PPFIBP2: variants seen among roughly 807,000 people sequenced by gnomAD.
PPFIBP2 encodes PPFIB scaffold protein 2.
PPFIBP2 carries 118 observed loss-of-function variants against 118.3 expected under a neutral mutation model. The ratio of observed to expected loss-of-function variants is 1.00; its 90% CI spans 0.86 to 1.16. The LOEUF (loss-of-function observed/expected upper bound fraction) is 1.16. PPFIBP2 is among the 50% of genes most tolerant of loss of function. The probability of loss-of-function intolerance (pLI) is 0.00; values close to 1 mark genes in which losing one functional copy is unlikely to be tolerated. For missense variants in PPFIBP2, 1,195 were observed against 1,073.1 expected (o/e 1.11, Z -1.59); for synonymous variants, 414 against 397.4 (o/e 1.04, Z -0.50).
At chr11:7,643,478 G>A (rs7939726) in intron 17 of PPFIBP2, among the ~76,000 whole-genome samples, 22,668 of 152,164 alleles carry the variant, frequency 0.15, 2,699 homozygotes, top group African/African-American at 0.33. Context: ...TTTGCCAAAG[G>A]AAAAAACTGC....
chr11:7,579,043 TG>T (rs542290270), intron 3 of PPFIBP2, among the ~76,000 whole-genome samples: 5 of 150,156 alleles, frequency 3.3e-5, no homozygotes, highest in African/African-American at 7.4e-5. Context: ...TGGGATACAT[TG>T]GGGGGGGTCT....
chr11:7,520,153 C>T (rs905225690), intron 1 of PPFIBP2, among the ~76,000 whole-genome samples: 1 of 152,204 alleles, frequency 6.6e-6, no homozygotes, highest in Non-Finnish European at 1.5e-5. Context: ...TTTTAATGAG[C>T]GCCTGGGTGC....
chr11:7,599,512 T>C (rs1565032076), intron 5 of PPFIBP2, among the ~76,000 whole-genome samples: 1 of 152,222 alleles, frequency 6.6e-6, no homozygotes, highest in Non-Finnish European at 1.5e-5. Context: ...TCAAAGTCTC[T>C]GTGTCAAGGA....
In PPFIBP2 at chr11:7,585,447, C is replaced by T. The variant is rs575892133; in HGVS notation, c.280-7685C>T. Among the ~76,000 whole-genome samples, 100 of 152,326 alleles carry T rather than the reference C, an allele frequency of 6.6e-4. No homozygotes were observed. In the South Asian group the frequency reaches 6.8e-3, roughly 10 times the overall value. On this transcript the variant is annotated intron_variant, in intron 3 of 23. Transcript: ENST00000299492. ...CATTTGACTACTCTGGAACCAACTC[C>T]TTCCCCTAGTTCAATGAAGTACAGT... is the stretch of plus-strand genomic sequence containing the variant.
rs1281165980 is a variant in PPFIBP2, at chr11:7,653,406, G to A, written c.*188G>A. ...GGATCTGGAGCTGCATCTCTAAGGG[G>A]CCAGGCTTTGGGGACCATTGCCAAA... is the stretch of plus-strand genomic sequence containing the variant. On this transcript the variant is annotated 3_prime_UTR_variant, in exon 24 of 24. Coordinates refer to ENST00000299492, the MANE Select transcript of PPFIBP2 (RefSeq NM_003621.5). The A allele has an allele frequency of 2.5e-5, 37 of 1,491,360 alleles. No homozygotes were observed. Among genetic ancestry groups the A allele is most frequent in the Admixed American group, 8.4e-5 (4 of 47,784 alleles). The allele number at this position is 1,491,360 out of a possible 1,614,324, so 92.4% of individuals were successfully genotyped here.
chr11:7,648,476 C>G lies in PPFIBP2; in HGVS notation c.1736C>G (p.Ala579Gly). ...GGCCTGGCTCAGTATGTGATCTTTG[C>G]CAGGCAGTGGGTATCTTCTGGCCAC... Reference protein sequence around the residue: ...DFGLAQYVIFARQWVSSGHTL... With the variant: ...DFGLAQYVIFGRQWVSSGHTL... Residue 579 changes from alanine (A) to glycine (G), a missense_variant, in exon 18 of 24, where the codon GCC (alanine) becomes GGC (glycine). By Grantham distance (60) the Ala-to-Gly change is moderately conservative. Coordinates refer to ENST00000299492, the MANE Select transcript of PPFIBP2 (RefSeq NM_003621.5). 6.2e-7 allele frequency: 1 copy of G among 1,614,072 alleles called. No homozygotes were observed. Among genetic ancestry groups the G allele is most frequent in the Non-Finnish European group, 8.5e-7 (1 of 1,180,026 alleles).
intron 1 of PPFIBP2, among the ~76,000 whole-genome samples, chr11:7,525,982 G>C (rs1401464945): frequency 6.6e-6 from 1 of 152,178 alleles, no homozygotes; most frequent in Admixed American, 6.5e-5. Flanking sequence ...AGAGATGAAG[G>C]CCTATGGTAG....
rs1454671240 is a variant in PPFIBP2 at position 7,565,595 on chromosome 11, C to G, written c.107C>G (p.Pro36Arg). ...GADLSDGTCE[P>R]GLASPASYMN... ...GATCTTAGTGATGGTACTTGTGAGC[C>G]TGGACTGGCTTCCCCGGCCTCCTAC... Residue 36 changes from proline (P) to arginine (R), a missense_variant, in exon 3 of 24, where the codon CCT becomes CGT. Physicochemically the swap from Pro to Arg is moderately radical, Grantham distance 103. Coordinates refer to ENST00000299492, the MANE Select transcript of PPFIBP2 (RefSeq NM_003621.5). 5.0e-6 allele frequency: 8 copies of G among 1,614,052 alleles called. No homozygotes were observed. The highest frequency in any genetic ancestry group is 1.3e-5 in the African/African-American group (1 of 74,922).
At chr11:7,562,523 G>C (rs995622982) in intron 2 of PPFIBP2, among the ~76,000 whole-genome samples, 5 of 152,174 alleles carry the variant, frequency 3.3e-5, no homozygotes, top group Non-Finnish European at 7.3e-5. Flanking sequence ...GTGACACAGA[G>C]CAACCGTGAT....
chr11:7,534,993 T>C (rs1851071651), intron 1 of PPFIBP2, among the ~76,000 whole-genome samples: 1 of 152,228 alleles, frequency 6.6e-6, no homozygotes, highest in South Asian at 2.1e-4. Flanking sequence ...AGGCTCTTTC[T>C]GGTGCAGGCC....
chr11:7,617,098 T>G (rs1209995035), intron 6 of PPFIBP2: 1 of 985,096 alleles, frequency 1.0e-6, no homozygotes, highest in East Asian at 1.1e-4. Flanking sequence ...TCTTCTTTCT[T>G]TTCCTTCCTA....
intron 17 of PPFIBP2, among the ~76,000 whole-genome samples, chr11:7,644,224 T>C (rs918146578): frequency 1.3e-5 from 2 of 152,240 alleles, no homozygotes; most frequent in Non-Finnish European, 2.9e-5. Context: ...AATTTTACTT[T>C]TGCTTCTGAT....
downstream of PPFIBP2, among the ~76,000 whole-genome samples, chr11:7,654,217 C>G (rs1854475161): frequency 6.6e-6 from 1 of 152,208 alleles, no homozygotes. Flanking sequence ...GCTGGCAGAA[C>G]TGAAAGAGAT....
chr11:7,610,509 G>C, intron 6 of PPFIBP2, 87 bp downstream of exon 6: 1 of 1,543,602 alleles, frequency 6.5e-7, no homozygotes, highest in Non-Finnish European at 8.8e-7. Context: ...CTCCCAGCCT[G>C]GAAGCTATTG....
At chr11:7,603,407 T>G (rs1030317052) in intron 5 of PPFIBP2, among the ~76,000 whole-genome samples, 11 of 152,228 alleles carry the variant, frequency 7.2e-5, no homozygotes, top group African/African-American at 2.7e-4. Flanking sequence ...ACCTCTTCTC[T>G]GCACAGTGTT....
chr11:7,635,084 C>T (rs1851278966), intron 13 of PPFIBP2, among the ~76,000 whole-genome samples: 1 of 152,108 alleles, frequency 6.6e-6, no homozygotes, highest in Admixed American at 6.5e-5. Flanking sequence ...ATAGGAGTAG[C>T]CCTTGATCAT....
the PPFIBP2 span, chr11:7,665,335 T>G: frequency 1.5e-5 from 22 of 1,452,198 alleles, no homozygotes; most frequent in Non-Finnish European, 1.2e-5. Context: ...CTGAAACAGA[T>G]GAAAAGGGAC....
chr11:7,523,276 T>C (rs1564936149), intron 1 of PPFIBP2, among the ~76,000 whole-genome samples: 1 of 152,040 alleles, frequency 6.6e-6, no homozygotes, highest in Admixed American at 6.5e-5. Context: ...CAGGATGGAG[T>C]CTTGTCTTTG....
At chr11:7,618,657 C>A (rs1231699249) in intron 6 of PPFIBP2, among the ~76,000 whole-genome samples, 2 of 152,166 alleles carry the variant, frequency 1.3e-5, no homozygotes, top group Non-Finnish European at 2.9e-5. Context: ...TCCAGTGATG[C>A]AGATCATGGA....
Sources: gnomAD v4.1 joint callset for allele counts (sites outside exome capture counted in the v4.1 genomes callset) on GRCh38, gnomAD v4.1.1 for gene constraint, MANE v1.5 for transcripts, NCBI Gene and HGNC (gene_info 2026-07-23, HGNC 2026-07-21) for gene names.